PTPRN2: variants seen among roughly 807,000 people sequenced by gnomAD.
PTPRN2 encodes the protein protein tyrosine phosphatase receptor type N2.
Under a neutral mutation model 118.8 loss-of-function variants are expected in PTPRN2, and 74 were observed. The observed-to-expected ratio is 0.62, with a 90% CI of 0.52 to 0.76. The LOEUF (loss-of-function observed/expected upper bound fraction) is 0.76. PTPRN2 is among the 30% of genes least tolerant of loss of function. The pLI is 0.00. For missense variants in PTPRN2, 1,481 were observed against 1,394.4 expected (o/e 1.06, Z -0.99); for synonymous variants, 641 against 608.0 (o/e 1.05, Z -0.80).
At position 158,131,269 on chromosome 7, in the gene PTPRN2, A is replaced by C. The variant is rs561881449; in HGVS notation, c.1556+2408T>G. ...CATACATACACACGCAAATATGCAT[A>C]GACACAAATACCTGAACAGATGCAC... is the stretch of plus-strand genomic sequence containing the variant. On this transcript the variant is annotated intron_variant, in intron 9 of 22. Transcript: ENST00000389418. Among the ~76,000 whole-genome samples, 44 of 152,112 alleles carry C rather than the reference A, an allele frequency of 2.9e-4. No homozygotes were observed. In the South Asian group the frequency reaches 8.3e-3, roughly 29 times the overall value.
chr7:158,555,241 C>T lies in PTPRN2; in HGVS notation c.112+32317G>A, dbSNP rs1215375676. The stretch of plus-strand genomic sequence containing the variant: ...CACAAGTTTTCCATCTTCAGCAGCT[C>T]TTACGACTGCAAGATCCCACAGCTG... On this transcript the variant is annotated intron_variant, in intron 1 of 22. Transcript: ENST00000389418. The surrounding 1 kb of genome is among the most constrained non-coding windows in gnomAD (Gnocchi z 4.7). Among the ~76,000 whole-genome samples the T allele has an allele frequency of 1.3e-5, 2 of 152,240 alleles. No homozygotes were observed. The highest frequency in any genetic ancestry group is 2.9e-5 in the Non-Finnish European group (2 of 68,044).
At chr7:158,333,908 G>A (rs1466137358) in intron 2 of PTPRN2, among the ~76,000 whole-genome samples, 26 of 97,272 alleles carry the variant, frequency 2.7e-4, no homozygotes, top group South Asian at 3.6e-4. Context: ...ACCCGCAGAC[G>A]TCACTCACAC....
At chr7:157,578,280 C>T in intron 17 of PTPRN2, 140 bp from the exon 18 acceptor site, 1 of 1,054,066 alleles carries the variant, frequency 9.5e-7, no homozygotes, top group Non-Finnish European at 1.3e-6. Context: ...CATGTTTACT[C>T]CGCAGCTGCC....
chr7:157,706,864 T>G (rs1798358697), intron 12 of PTPRN2, among the ~76,000 whole-genome samples: 1 of 149,302 alleles, frequency 6.7e-6, no homozygotes. Flanking sequence ...AATGAGCGAA[T>G]CTGACCCCAG....
At chr7:158,257,009 A>G (rs1797062501) in intron 3 of PTPRN2, among the ~76,000 whole-genome samples, 2 of 152,158 alleles carry the variant, frequency 1.3e-5, no homozygotes, top group South Asian at 4.1e-4. Flanking sequence ...CCGGACCCCT[A>G]GTTCCCTGGA....
At chr7:157,945,237 T>A (rs893417262) in intron 11 of PTPRN2, among the ~76,000 whole-genome samples, 1 of 152,106 alleles carries the variant, frequency 6.6e-6, no homozygotes, top group Non-Finnish European at 1.5e-5. Context: ...TGAGCCCTCA[T>A]GGTTTCAACC....
chr7:158,446,801 C>T (rs533953804), intron 2 of PTPRN2, among the ~76,000 whole-genome samples: 8 of 152,372 alleles, frequency 5.3e-5, no homozygotes, highest in South Asian at 2.1e-4. Context: ...CCATCAGGCA[C>T]GCTGGGCTGT....
chr7:158,027,573 A>G (rs1314799209), intron 11 of PTPRN2: 2 of 152,206 alleles, frequency 1.3e-5, no homozygotes, highest in African/African-American at 2.4e-5. Flanking sequence ...ACAATCCTCT[A>G]TCCTGACACG....
At chr7:157,584,919 G>A (rs1211670119) in intron 17 of PTPRN2, among the ~76,000 whole-genome samples, 2 of 152,178 alleles carry the variant, frequency 1.3e-5, no homozygotes, top group African/African-American at 4.8e-5. Context: ...TGCGGCTCTG[G>A]TTCCGAGAGA....
rs536774851 is a variant in PTPRN2, at chr7:158,406,644, T to C, written c.163+83091A>G. 2.0e-3 allele frequency among the ~76,000 whole-genome samples: 307 copies of C among 152,358 alleles called. 1 individual carries two copies. The highest frequency in any genetic ancestry group is 6.8e-3 in the Middle Eastern group (2 of 294). Reference sequence around the variant, plus strand: ...CCTGAGTCCTGCTGCAGCCACTCGCTGGCATGTGACACTGACCATGCCCTG... The same window carrying C: ...CCTGAGTCCTGCTGCAGCCACTCGCCGGCATGTGACACTGACCATGCCCTG... On this transcript the variant is annotated intron_variant, in intron 2 of 22. Coordinates refer to ENST00000389418, the MANE Select transcript of PTPRN2 (RefSeq NM_002847.5).
rs1475189343 is a variant in PTPRN2, at chr7:157,984,257, G to A, written c.1724-85520C>T. Among the ~76,000 whole-genome samples the A allele has an allele frequency of 6.6e-4, 28 of 42,206 alleles. 4 individuals are homozygous for A. The highest frequency in any genetic ancestry group is 2.1e-3 in the African/African-American group (24 of 11,470). The allele number at this position is 42,206 out of a possible 152,430, so 27.7% of individuals were successfully genotyped here. The stretch of plus-strand genomic sequence containing the variant: ...CCCACGCCAGGCTCCACCTCCCCAC[G>A]CCAGGCTCCACCCCCCACGCCAGGC... On this transcript the variant is annotated intron_variant, in intron 11 of 22. Coordinates refer to ENST00000389418, the MANE Select transcript of PTPRN2 (RefSeq NM_002847.5).
rs114255245 is a variant in PTPRN2, at chr7:157,943,874, G to A, written c.1724-45137C>T. The stretch of plus-strand genomic sequence containing the variant: ...GAGGCCGCAGGTGTCTAAGGGTCAA[G>A]TTGATCACTACACCATCCCCTTTTA... On this transcript the variant is annotated intron_variant, in intron 11 of 22. Coordinates refer to ENST00000389418, the MANE Select transcript of PTPRN2 (RefSeq NM_002847.5). 8.3e-3 allele frequency among the ~76,000 whole-genome samples: 1,265 copies of A among 152,280 alleles called. 20 individuals are homozygous for A. The highest frequency in any genetic ancestry group is 0.029 in the African/African-American group (1,185 of 41,542).
chr7:158,167,392 C>A, intron 5 of PTPRN2, 101 bp from the exon 6 acceptor site: 1 of 1,414,820 alleles, frequency 7.1e-7, no homozygotes, highest in East Asian at 2.3e-5. Flanking sequence ...TCCTAAACAG[C>A]CCTGGGGGTA....
chr7:157,874,752 GAC>G lies in PTPRN2; in HGVS notation c.1788+23919_1788+23920del, dbSNP rs1000115637. On this transcript the variant is annotated intron_variant, in intron 12 of 22. Transcript: ENST00000389418. This position sits in a 1 kb window ranked among gnomAD's most constrained non-coding sequence, Gnocchi z 5.8. The stretch of plus-strand genomic sequence containing the variant: ...AGAGACACACTCATGCACATACACA[GAC>G]ACACACTCATGCACACACACACGAA... 6.9e-6 allele frequency among the ~76,000 whole-genome samples: 1 copy of G among 144,268 alleles called. No homozygotes were observed. Among genetic ancestry groups the G allele is most frequent in the Non-Finnish European group, 1.5e-5 (1 of 66,406 alleles). 94.6% of individuals were successfully genotyped at this position (144,268 alleles called of 152,430 possible). A position where few individuals can be genotyped will look rare whatever the true frequency, so the allele number is the denominator to read the frequency against.
At chr7:157,559,579 C>T (rs376316688) in intron 21 of PTPRN2, among the ~76,000 whole-genome samples, 4 of 152,112 alleles carry the variant, frequency 2.6e-5, no homozygotes, top group East Asian at 3.9e-4. Flanking sequence ...GCACAGAGGA[C>T]GGAGAGGACC....
chr7:158,272,124 G>A (rs1374233862), intron 3 of PTPRN2, among the ~76,000 whole-genome samples: 1 of 152,188 alleles, frequency 6.6e-6, no homozygotes, highest in African/African-American at 2.4e-5. Context: ...ATCACAGGGT[G>A]CCATCAGGTG....
intron 18 of PTPRN2, among the ~76,000 whole-genome samples, chr7:157,577,421 T>A (rs2150526364): frequency 6.6e-6 from 1 of 152,200 alleles, no homozygotes; most frequent in East Asian, 1.9e-4. Context: ...GCATGCATTC[T>A]AGTGCTGGCT....
chr7:158,157,564 C>T (rs185444445), intron 6 of PTPRN2, among the ~76,000 whole-genome samples: 4 of 152,346 alleles, frequency 2.6e-5, no homozygotes, highest in Admixed American at 2.0e-4. Context: ...AAGACATGAG[C>T]TGGGTGGAGC....
chr7:157,643,829 G>A (rs1437220428), intron 14 of PTPRN2, among the ~76,000 whole-genome samples: 1 of 152,244 alleles, frequency 6.6e-6, no homozygotes, highest in Non-Finnish European at 1.5e-5. Flanking sequence ...GGCCTCGAAG[G>A]TTCGTCACCA....
Sources: gnomAD v4.1 joint callset for allele counts (sites outside exome capture counted in the v4.1 genomes callset) on GRCh38, gnomAD v4.1.1 for gene constraint, Gnocchi (gnomAD v3.1) non-coding constraint, MANE v1.5 for transcripts, NCBI Gene and HGNC (gene_info 2026-07-23, HGNC 2026-07-21) for gene names.